XPR1: variants seen among roughly 807,000 people sequenced by gnomAD.
XPR1 encodes the protein solute carrier family 53 member 1.
A neutral mutation model predicts 87.5 loss-of-function variants in XPR1; 28 were observed. That is an observed-to-expected ratio of 0.32 (90% CI 0.24 to 0.44). XPR1 has a LOEUF of 0.44. Among genes scored for constraint, XPR1 ranks in the 20% least tolerant of loss-of-function variants. The pLI is 1.00. For synonymous variants in XPR1, 300 were observed against 306.1 expected (o/e 0.98, Z 0.21); for missense variants, 559 against 862.3 (o/e 0.65, Z 4.41).
At chr1:180,810,521 G>T (rs983477461) in intron 6 of XPR1, among the ~76,000 whole-genome samples, 3 of 151,892 alleles carry the variant, frequency 2.0e-5, no homozygotes, top group African/African-American at 7.3e-5. Flanking sequence ...TGAGGCTTCA[G>T]TAAGCTGTGA....
intron 2 of XPR1, among the ~76,000 whole-genome samples, chr1:180,774,942 T>G (rs997741985): frequency 1.3e-5 from 2 of 152,218 alleles, no homozygotes; most frequent in Non-Finnish European, 2.9e-5. Context: ...AGATGGCATC[T>G]TGTTGTTGTG....
chr1:180,795,839 G>A (rs1010932655), intron 3 of XPR1, among the ~76,000 whole-genome samples: 1 of 152,064 alleles, frequency 6.6e-6, no homozygotes, highest in African/African-American at 2.4e-5. Flanking sequence ...ACGGAGTCTT[G>A]CTTTGTCACC....
chr1:180,668,422 C>T (rs1656042159), intron 1 of XPR1, among the ~76,000 whole-genome samples: 2 of 152,184 alleles, frequency 1.3e-5, no homozygotes, highest in South Asian at 4.1e-4. Context: ...AGCCACTGCA[C>T]CCAGCCTGTT....
At chr1:180,749,105 G>A (rs1310720915) in intron 2 of XPR1, among the ~76,000 whole-genome samples, 1 of 152,224 alleles carries the variant, frequency 6.6e-6, no homozygotes, top group Admixed American at 6.5e-5. Flanking sequence ...AGAGGCTGAG[G>A]TGGGAGGATT....
At chr1:180,716,696 G>C (rs988654750) in intron 2 of XPR1, among the ~76,000 whole-genome samples, 9 of 152,172 alleles carry the variant, frequency 5.9e-5, no homozygotes, top group Non-Finnish European at 1.2e-4. Context: ...TCTAGGCTAA[G>C]TGTCTTCAGA....
chr1:180,840,532 T>TTG (rs373937004), intron 11 of XPR1, among the ~76,000 whole-genome samples: 27,435 of 110,012 alleles, frequency 0.25, 3,463 homozygotes, highest in Non-Finnish European at 0.29. Flanking sequence ...GTTAACATAT[T>TTG]TGTGTGTGTG....
Position 180,632,131 on chromosome 1 carries a change from A to T in XPR1, c.-71A>T. On this transcript the variant is annotated 5_prime_UTR_variant, in exon 1 of 15. Coordinates refer to ENST00000367590, the MANE Select transcript of XPR1 (RefSeq NM_004736.4). ...CCGCGCCGGGGCCCATGTGGGGAGG[A>T]GTCGGAGTCGCTGTTGCCGCCGCCG... The T allele has an allele frequency of 6.5e-7, 1 of 1,534,158 alleles. No homozygotes were observed. The highest frequency in any genetic ancestry group is 8.9e-7 in the Non-Finnish European group (1 of 1,129,742).
At chr1:180,659,244 TCCTTCCTCCCTCCCTC>T (rs1655663226) in intron 1 of XPR1, among the ~76,000 whole-genome samples, 1 of 10,440 alleles carries the variant, frequency 9.6e-5, no homozygotes. Context: ...CTTCCTTCCT[TCCTTCCTCCCTCCCTC>T]CCTCCCTCCC....
At chr1:180,801,359 T>C (rs141045170) in intron 3 of XPR1, among the ~76,000 whole-genome samples, 1 of 152,120 alleles carries the variant, frequency 6.6e-6, no homozygotes, top group African/African-American at 2.4e-5. Context: ...GGCGTAAGAG[T>C]GGTCCCTAGG....
chr1:180,658,804 C>T (rs990795452), intron 1 of XPR1, among the ~76,000 whole-genome samples: 4 of 151,618 alleles, frequency 2.6e-5, no homozygotes, highest in East Asian at 3.9e-4. Context: ...CTCCTGACCT[C>T]GTGATCCACC....
intron 2 of XPR1, among the ~76,000 whole-genome samples, chr1:180,778,658 G>A (rs540216790): frequency 2.6e-5 from 4 of 151,976 alleles, no homozygotes; most frequent in African/African-American, 9.7e-5. Context: ...TCCAGATATT[G>A]CCAAATGTCC....
intron 2 of XPR1, among the ~76,000 whole-genome samples, chr1:180,783,898 T>C (rs1649037183): frequency 1.3e-5 from 2 of 151,794 alleles, no homozygotes; most frequent in Non-Finnish European, 2.9e-5. Context: ...CTACTAAAAC[T>C]GCAAAAATTA....
intron 2 of XPR1, among the ~76,000 whole-genome samples, chr1:180,705,275 C>T (rs987332989): frequency 1.3e-5 from 2 of 152,064 alleles, no homozygotes; most frequent in Admixed American, 6.5e-5. Context: ...ATTCGTGTTT[C>T]CTGATGAGAA....
intron 4 of XPR1, among the ~76,000 whole-genome samples, chr1:180,804,177 G>T (rs952965732): frequency 2.0e-5 from 3 of 151,996 alleles, no homozygotes; most frequent in African/African-American, 7.2e-5. Context: ...GTAGAGATGG[G>T]GTTTTACCAT....
chr1:180,657,720 A>T lies in XPR1; in HGVS notation c.70-24640A>T, dbSNP rs546825603. ...CTGTAGTATAATTTGAAGTCAGGTG[A>T]TGTGATTCCTCCAGTTTTCTTTTTG... On this transcript the variant is annotated intron_variant, in intron 1 of 14. Transcript: ENST00000367590. Among the ~76,000 whole-genome samples the T allele has an allele frequency of 5.3e-5, 8 of 152,154 alleles. No individual in the cohort carries two copies. The South Asian group carries it at 1.5e-3, about 28-fold the overall frequency.
chr1:180,867,043 A>C, intron 12 of XPR1, among the ~76,000 whole-genome samples: 1 of 97,392 alleles, frequency 1.0e-5, no homozygotes, highest in East Asian at 2.6e-4. Context: ...ATTCCCACCT[A>C]TGAGTGAGAA....
chr1:180,836,008 C>T (rs566809827), intron 10 of XPR1, among the ~76,000 whole-genome samples: 1 of 152,218 alleles, frequency 6.6e-6, no homozygotes, highest in South Asian at 2.1e-4. Context: ...CAAATTTCCC[C>T]ACTAGTTCCC....
intron 2 of XPR1, among the ~76,000 whole-genome samples, chr1:180,685,815 T>G (rs1489595880): frequency 6.6e-6 from 1 of 152,248 alleles, no homozygotes; most frequent in Non-Finnish European, 1.5e-5. Flanking sequence ...TTTGTATTTC[T>G]GTGGGATCGG....
chr1:180,658,796 C>G lies in XPR1; in HGVS notation c.70-23564C>G, dbSNP rs185065671. Among the ~76,000 whole-genome samples, 358 of 151,550 alleles carry G rather than the reference C, an allele frequency of 2.4e-3. 1 individual carries two copies. The highest frequency in any genetic ancestry group is 3.3e-3 in the Non-Finnish European group (221 of 67,874). ...GTGTTAGGCAGGATGGTCTCAATCTCCTGACCTCGTGATCCACCCGCCTCG... is the reference window on the plus strand; with the variant it reads ...GTGTTAGGCAGGATGGTCTCAATCTGCTGACCTCGTGATCCACCCGCCTCG... On this transcript the variant is annotated intron_variant, in intron 1 of 14. Transcript: ENST00000367590.
Sources: gnomAD v4.1 joint callset for allele counts (sites outside exome capture counted in the v4.1 genomes callset) on GRCh38, gnomAD v4.1.1 for gene constraint, MANE v1.5 for transcripts, NCBI Gene and HGNC (gene_info 2026-07-23, HGNC 2026-07-21) for gene names.